The following SOX5 variants were observed in gnomAD, a reference collection of about 807,000 sequenced individuals.
SOX5 encodes transcription factor SOX-5.
In SOX5, 9 loss-of-function variants were observed where a neutral mutation model predicts 92.0. The observed-to-expected ratio is 0.10, with a 90% CI of 0.06 to 0.17. The LOEUF (loss-of-function observed/expected upper bound fraction) is 0.17, where lower values mean the gene tolerates loss of function less well. Ranked by LOEUF, SOX5 falls within the 10% of genes least tolerant of loss-of-function variation. SOX5 has a pLI of 1.00. For synonymous variants in SOX5, 344 were observed against 336.3 expected (o/e 1.02, Z -0.25); for missense variants, 642 against 944.5 (o/e 0.68, Z 4.20).
intron 6 of SOX5, among the ~76,000 whole-genome samples, chr12:23,678,531 C>T (rs1383623642): frequency 6.6e-6 from 1 of 152,038 alleles, no homozygotes; most frequent in East Asian, 1.9e-4. Flanking sequence ...AGAACATAGA[C>T]GGACAACATG....
chr12:23,623,204 A>G (rs532989662), intron 8 of SOX5, among the ~76,000 whole-genome samples: 169 of 152,322 alleles, frequency 1.1e-3, no homozygotes, highest in African/African-American at 3.9e-3. Context: ...CTTTTAAAAA[A>G]TATTTCAATT....
At chr12:23,587,115 T>C (rs182616575) in intron 9 of SOX5, among the ~76,000 whole-genome samples, 26 of 152,004 alleles carry the variant, frequency 1.7e-4, no homozygotes, top group African/African-American at 6.3e-4. Flanking sequence ...TGAAAGTATG[T>C]TTAGTGGGTT....
intron 10 of SOX5, among the ~76,000 whole-genome samples, chr12:23,572,835 T>C (rs897510348): frequency 6.6e-6 from 1 of 151,626 alleles, no homozygotes; most frequent in Non-Finnish European, 1.5e-5. Context: ...AAAGCACACA[T>C]GTGTCTGAAA....
intron 4 of SOX5, among the ~76,000 whole-genome samples, chr12:24,128,578 A>G (rs1949338786): frequency 6.6e-6 from 1 of 152,104 alleles, no homozygotes. Flanking sequence ...GGCAGATGTG[A>G]GAAGGGGGCG....
intron 3 of SOX5, among the ~76,000 whole-genome samples, chr12:23,796,208 G>A (rs1261943290): frequency 6.6e-6 from 1 of 152,062 alleles, no homozygotes; most frequent in Non-Finnish European, 1.5e-5. Flanking sequence ...ATCTTGCCTG[G>A]CAGCTGAATT....
At chr12:24,009,728 A>G (rs1233402244) in intron 4 of SOX5, among the ~76,000 whole-genome samples, 3 of 152,176 alleles carry the variant, frequency 2.0e-5, no homozygotes, top group Non-Finnish European at 4.4e-5. Flanking sequence ...TTTAGTCAAG[A>G]ATATTTTTAT....
intron 4 of SOX5, among the ~76,000 whole-genome samples, chr12:24,150,349 C>T (rs562879818): frequency 7.9e-5 from 12 of 152,020 alleles, no homozygotes; most frequent in Non-Finnish European, 1.6e-4. Flanking sequence ...ATGTAGACTA[C>T]AGAAGAATAG....
At chr12:24,068,741 TATATATAC>T (rs1421972481) in intron 4 of SOX5, among the ~76,000 whole-genome samples, 772 of 77,170 alleles carry the variant, frequency 0.01, 6 homozygotes, top group African/African-American at 0.031. Context: ...TATATATATA[TATATATAC>T]ACACACACAC....
At chr12:24,434,059 G>A (rs1201488896) in intron 1 of SOX5, among the ~76,000 whole-genome samples, 3 of 152,062 alleles carry the variant, frequency 2.0e-5, no homozygotes, top group African/African-American at 7.2e-5. Flanking sequence ...ATCAAGAGAG[G>A]GGAAAGTTTC....
At position 23,578,117 on chromosome 12, in the gene SOX5, C is replaced by CAAAAAAAA. The variant is rs1163938652; in HGVS notation, c.1165-2287_1165-2280dup. On this transcript the variant is annotated intron_variant, in intron 9 of 14. Coordinates refer to ENST00000451604, the MANE Select transcript of SOX5 (RefSeq NM_006940.6). Reference sequence around the variant, plus strand: ...CCTGCGCAACAGAGTGAGACTGTGTCAAAAAAAAAAAAAAAAAAAAAAAAA... The same window carrying CAAAAAAAA: ...CCTGCGCAACAGAGTGAGACTGTGTCAAAAAAAAAAAAAAAAAAAAAAAAAAAAAAAAA... Among the ~76,000 whole-genome samples the CAAAAAAAA allele has an allele frequency of 8.2e-3, 286 of 34,896 alleles. 47 individuals carry two copies. Among genetic ancestry groups the CAAAAAAAA allele is most frequent in the East Asian group, 0.037 (57 of 1,528 alleles). The allele number at this position is 34,896 out of a possible 152,430, so 22.9% of individuals were successfully genotyped here.
intron 1 of SOX5, among the ~76,000 whole-genome samples, chr12:24,496,682 C>T (rs921867429): frequency 4.6e-5 from 7 of 152,186 alleles, no homozygotes; most frequent in African/African-American, 1.7e-4. Context: ...CCTCAATGGG[C>T]TCTAGTCTGA....
At position 24,535,349 on chromosome 12, in the gene SOX5, A is replaced by G. The variant is rs193127454; in HGVS notation, c.-251+26980T>C. On this transcript the variant is annotated intron_variant, in intron 1 of 4. Coordinates refer to the SOX5 transcript ENST00000446891. Reference sequence around the variant, plus strand: ...CTTCATAAGTTTCTATTTAAAGTACAAATACTCCTGGGTATAGCTTAGAAA... The same window carrying G: ...CTTCATAAGTTTCTATTTAAAGTACGAATACTCCTGGGTATAGCTTAGAAA... Among the ~76,000 whole-genome samples the G allele has an allele frequency of 2.7e-3, 412 of 152,348 alleles. 4 individuals are homozygous for G. Among genetic ancestry groups the G allele is most frequent in the Non-Finnish European group, 3.9e-3 (265 of 68,022 alleles).
intron 1 of SOX5, among the ~76,000 whole-genome samples, chr12:24,476,181 A>G (rs965925325): frequency 9.2e-5 from 14 of 152,212 alleles, no homozygotes; most frequent in African/African-American, 3.4e-4. Context: ...AGACTAAGAA[A>G]TAGAAACATT....
chr12:24,192,276 G>A (rs1390812123), intron 4 of SOX5, among the ~76,000 whole-genome samples: 3 of 152,044 alleles, frequency 2.0e-5, no homozygotes, highest in Non-Finnish European at 2.9e-5. Flanking sequence ...CAGATTAATG[G>A]ACAAAATTTA....
At chr12:23,788,116 T>C (rs529662295) in intron 3 of SOX5, among the ~76,000 whole-genome samples, 1 of 151,810 alleles carries the variant, frequency 6.6e-6, no homozygotes, top group Non-Finnish European at 1.5e-5. Context: ...ATTTTTATTA[T>C]GGTTTATCAT....
rs1041020469 is a variant in SOX5, at chr12:24,470,809, G to C, written c.-251+91520C>G. 2.0e-5 allele frequency among the ~76,000 whole-genome samples: 3 copies of C among 152,106 alleles called. No individual in the cohort carries two copies. In the South Asian group the frequency reaches 6.2e-4, roughly 31 times the overall value. On this transcript the variant is annotated intron_variant, in intron 1 of 4. Transcript: ENST00000446891. ...TTTCCAAACCTCAGTTTCCTCAACT[G>C]AAAAATGAGTATAGGAAAGTCTGGC... is the stretch of plus-strand genomic sequence containing the variant.
At chr12:23,703,676 G>C (rs1477915749) in intron 6 of SOX5, among the ~76,000 whole-genome samples, 2 of 151,312 alleles carry the variant, frequency 1.3e-5, no homozygotes, top group Non-Finnish European at 3.0e-5. Context: ...AATATTTCTT[G>C]TATGAAATTT....
intron 3 of SOX5, among the ~76,000 whole-genome samples, chr12:23,763,495 A>T (rs1354780570): frequency 6.6e-6 from 1 of 152,164 alleles, no homozygotes; most frequent in Non-Finnish European, 1.5e-5. Flanking sequence ...GTATTTGGTT[A>T]TCTACCATTC....
chr12:24,217,000 G>C (rs138617076), intron 3 of SOX5, among the ~76,000 whole-genome samples: 190 of 152,296 alleles, frequency 1.2e-3, no homozygotes, highest in African/African-American at 4.4e-3. Flanking sequence ...TGTACCAGGA[G>C]GGTGTTGCAA....
Sources: allele counts gnomAD v4.1 joint callset (sites outside exome capture counted in the v4.1 genomes callset), GRCh38; gene constraint gnomAD v4.1.1; transcripts MANE v1.5; gene names NCBI Gene and HGNC (gene_info 2026-07-23, HGNC 2026-07-21).